The following GLI3 variants were observed in gnomAD, a reference collection of about 807,000 sequenced individuals.
GLI3 encodes GLI family zinc finger 3, also known as transcription activator GLI3.
Under a neutral mutation model 100.8 loss-of-function variants are expected in GLI3, and 20 were observed. The observed-to-expected ratio is 0.20, with a 90% CI of 0.14 to 0.29. The LOEUF (loss-of-function observed/expected upper bound fraction) is 0.29. GLI3 is among the 10% of genes least tolerant of loss of function. The pLI is 1.00. For synonymous variants in GLI3, 938 were observed against 860.5 expected (o/e 1.09, Z -1.58); for missense variants, 2,040 against 2,128.5 (o/e 0.96, Z 0.82).
chr7:42,135,483 G>A (rs1786406350), intron 3 of GLI3, among the ~76,000 whole-genome samples: 2 of 152,128 alleles, frequency 1.3e-5, no homozygotes, highest in Non-Finnish European at 2.9e-5. Context: ...ACAGATCCAG[G>A]CAGATATCTC....
upstream of GLI3, among the ~76,000 whole-genome samples, chr7:42,238,080 T>G (rs545327214): frequency 6.8e-6 from 1 of 146,174 alleles, no homozygotes; most frequent in Admixed American, 6.7e-5. Context: ...GACACATTCA[T>G]GCCTGCTCCT....
chr7:42,028,450 T>C (rs1472574272), intron 7 of GLI3, among the ~76,000 whole-genome samples: 6 of 152,098 alleles, frequency 3.9e-5, no homozygotes, highest in Admixed American at 6.5e-5. Flanking sequence ...CACAGACGGA[T>C]AAGGGAAGTG....
chr7:42,074,798 T>A (rs1784847015), intron 4 of GLI3, among the ~76,000 whole-genome samples: 1 of 152,218 alleles, frequency 6.6e-6, no homozygotes. Context: ...GACTTGTCTT[T>A]TGAGGCTCAG....
chr7:42,221,916 C>T (rs538340710), intron 2 of GLI3, among the ~76,000 whole-genome samples: 37 of 152,260 alleles, frequency 2.4e-4, no homozygotes, highest in African/African-American at 7.5e-4. Context: ...TATTTTAACT[C>T]AGACGTAAAT....
intron 2 of GLI3, among the ~76,000 whole-genome samples, chr7:42,170,938 C>T (rs1434718781): frequency 1.1e-4 from 16 of 152,140 alleles, no homozygotes; most frequent in African/African-American, 3.9e-4. Flanking sequence ...TTTGTGGCTT[C>T]TCCCTGCAGC....
At chr7:42,170,287 T>TATACACAC (rs1452471645) in intron 2 of GLI3, among the ~76,000 whole-genome samples, 6 of 124,004 alleles carry the variant, frequency 4.8e-5, no homozygotes, top group African/African-American at 1.5e-4. Context: ...TATATATATA[T>TATACACAC]ACACACACAT....
chr7:42,182,715 A>AAT (rs1787640477), intron 2 of GLI3, among the ~76,000 whole-genome samples: 1 of 57,490 alleles, frequency 1.7e-5, no homozygotes, highest in African/African-American at 1.1e-4. Flanking sequence ...CACACATATA[A>AAT]ATACACACAC....
intron 10 of GLI3, among the ~76,000 whole-genome samples, chr7:41,988,478 G>A (rs1326567714): frequency 1.6e-5 from 2 of 127,012 alleles, no homozygotes; most frequent in African/African-American, 5.6e-5. Flanking sequence ...AAAAAAAGGG[G>A]GGGGGGGTGG....
At chr7:42,166,928 C>G (rs531934419) in intron 2 of GLI3, among the ~76,000 whole-genome samples, 1 of 151,958 alleles carries the variant, frequency 6.6e-6, no homozygotes, top group African/African-American at 2.4e-5. Context: ...GGGGTTTGAG[C>G]AATTCTCCCA....
intron 10 of GLI3, among the ~76,000 whole-genome samples, chr7:41,989,954 G>A (rs111962522): frequency 0.051 from 6,765 of 132,560 alleles, 238 homozygotes; most frequent in African/African-American, 0.1. Flanking sequence ...ACCACTGCAC[G>A]CCAGCCTGGG....
intron 3 of GLI3, among the ~76,000 whole-genome samples, chr7:42,105,488 G>A (rs936849428): frequency 2.6e-5 from 4 of 152,156 alleles, no homozygotes; most frequent in African/African-American, 4.8e-5. Context: ...AGCGAGAAGC[G>A]AAAGGAAGTA....
intron 10 of GLI3, among the ~76,000 whole-genome samples, chr7:41,980,592 G>T (rs1399764656): frequency 6.6e-6 from 1 of 151,844 alleles, no homozygotes; most frequent in African/African-American, 2.4e-5. Flanking sequence ...GAAAGGGAAA[G>T]AAAAAAGGAA....
intron 1 of GLI3, among the ~76,000 whole-genome samples, chr7:42,247,594 A>G (rs1788988761): frequency 6.6e-6 from 1 of 152,170 alleles, no homozygotes; most frequent in Non-Finnish European, 1.5e-5. Flanking sequence ...GCTTCCGTGT[A>G]AGTTTGTGGT....
intron 2 of GLI3, among the ~76,000 whole-genome samples, chr7:42,150,620 G>T (rs1247801350): frequency 6.6e-6 from 1 of 152,124 alleles, no homozygotes; most frequent in East Asian, 1.9e-4. Context: ...CCTTCCTCAG[G>T]GGGGCTCTGA....
intron 3 of GLI3, among the ~76,000 whole-genome samples, chr7:42,096,692 G>C (rs539344467): frequency 6.6e-6 from 1 of 152,264 alleles, no homozygotes; most frequent in Admixed American, 6.5e-5. Context: ...CCTGGAGAGG[G>C]GGAAGGAAGA....
intron 3 of GLI3, among the ~76,000 whole-genome samples, chr7:42,132,351 T>G (rs570863642): frequency 6.6e-6 from 1 of 152,062 alleles, no homozygotes; most frequent in Admixed American, 6.6e-5. Context: ...CCGCCCGCCT[T>G]GACCTCCCAA....
chr7:42,036,660 T>G (rs186863338), intron 7 of GLI3, among the ~76,000 whole-genome samples: 63 of 152,334 alleles, frequency 4.1e-4, no homozygotes, highest in Middle Eastern at 6.8e-3. Context: ...TGTTTAGAAA[T>G]GTAAACATCA....
At chr7:42,117,745 C>T (rs1409625283) in intron 3 of GLI3, among the ~76,000 whole-genome samples, 1 of 152,130 alleles carries the variant, frequency 6.6e-6, no homozygotes, top group Admixed American at 6.5e-5. Context: ...ATCTCAGAGG[C>T]CATACATGTT....
chr7:42,222,923 T>A, intron 2 of GLI3: 1 of 590,552 alleles, frequency 1.7e-6, no homozygotes. Context: ...ATTAGAAAGT[T>A]TGGAAGTCAA....
Sources: allele counts gnomAD v4.1 joint callset (sites outside exome capture counted in the v4.1 genomes callset), GRCh38; gene constraint gnomAD v4.1.1; transcripts MANE v1.5; gene names NCBI Gene and HGNC (gene_info 2026-07-23, HGNC 2026-07-21).